SEMA3A: variants seen among roughly 807,000 people sequenced by gnomAD.
SEMA3A encodes the protein semaphorin-3A.
In SEMA3A, 29 loss-of-function variants were observed where a neutral mutation model predicts 97.9. That is an observed-to-expected ratio of 0.30 (90% CI 0.22 to 0.40). The LOEUF is 0.40. Ranked by LOEUF, SEMA3A falls within the 10% of genes least tolerant of loss-of-function variation. The probability of loss-of-function intolerance (pLI) is 1.00; values close to 1 mark genes in which losing one functional copy is unlikely to be tolerated. For synonymous variants in SEMA3A, 321 were observed against 323.7 expected (o/e 0.99, Z 0.09); for missense variants, 763 against 951.3 (o/e 0.80, Z 2.60).
chr7:84,252,785 G>A (rs1042991159), intron 3 of SEMA3A, among the ~76,000 whole-genome samples: 11 of 152,138 alleles, frequency 7.2e-5, no homozygotes, highest in East Asian at 1.9e-4. Context: ...TTTAAAATGC[G>A]AAGTGTAATT....
At chr7:84,473,173 T>TGTGTGTGTGTGTGTGTGTGA (rs891778095) in intron 1 of SEMA3A, among the ~76,000 whole-genome samples, 1 of 151,290 alleles carries the variant, frequency 6.6e-6, no homozygotes, top group African/African-American at 2.4e-5. Context: ...TGTGTGTGTG[T>TGTGTGTGTGTGTGTGTGTGA]GAAACCTACA....
chr7:84,387,500 T>G (rs1376953374), intron 1 of SEMA3A, among the ~76,000 whole-genome samples: 1 of 152,204 alleles, frequency 6.6e-6, no homozygotes, highest in African/African-American at 2.4e-5. Context: ...CAATATTTAA[T>G]TTTGTTTTGG....
chr7:84,393,940 A>G (rs746864324), intron 1 of SEMA3A, among the ~76,000 whole-genome samples: 1 of 152,124 alleles, frequency 6.6e-6, no homozygotes, highest in African/African-American at 2.4e-5. Flanking sequence ...GAAGCTAGAA[A>G]TTGTCATGTT....
At chr7:84,051,524 T>C (rs1470416760) in intron 5 of SEMA3A, among the ~76,000 whole-genome samples, 1 of 152,190 alleles carries the variant, frequency 6.6e-6, no homozygotes, top group Admixed American at 6.5e-5. Flanking sequence ...CTGTTGATGG[T>C]GTATAAGAAT....
Position 84,194,421 on chromosome 7 carries a change from A to AGG in SEMA3A, c.112+52_112+53dup, listed in dbSNP as rs67227861. Reference sequence around the variant, plus strand: ...GGTTGGGAGGGAGTTCAAGGAATTAAGGGGGGGGGCGGTTATTACAAAGCT... The same window carrying AGG: ...GGTTGGGAGGGAGTTCAAGGAATTAAGGGGGGGGGGGCGGTTATTACAAAGCT... On this transcript the variant is annotated intron_variant, in intron 1 of 16. Transcript: ENST00000265362. 7.0e-4 allele frequency: 798 copies of AGG among 1,138,442 alleles called. 5 individuals carry two copies. In the African/African-American group the frequency reaches 0.01, roughly 14 times the overall value. The allele number at this position is 1,138,442 out of a possible 1,614,324, so 70.5% of individuals were successfully genotyped here.
At chr7:84,484,691 A>T (rs1197594961) in intron 1 of SEMA3A, among the ~76,000 whole-genome samples, 1 of 152,164 alleles carries the variant, frequency 6.6e-6, no homozygotes, top group Admixed American at 6.5e-5. Context: ...TTAGCATTAT[A>T]TCCTCATAAA....
At chr7:84,352,657 C>T (rs1562915511) in intron 2 of SEMA3A, among the ~76,000 whole-genome samples, 4 of 151,910 alleles carry the variant, frequency 2.6e-5, no homozygotes, top group Non-Finnish European at 5.9e-5. Flanking sequence ...TGAACATGAG[C>T]TGTGAGGCAT....
intron 1 of SEMA3A, among the ~76,000 whole-genome samples, chr7:84,177,538 TG>T (rs1797607440): frequency 6.6e-6 from 1 of 152,214 alleles, no homozygotes; most frequent in Admixed American, 6.5e-5. Context: ...AATGATAAAT[TG>T]TTTTTTATAG....
rs1799625375 is a variant in SEMA3A at position 84,252,197 on chromosome 7, G to C, written c.-83+55010C>G. On this transcript the variant is annotated intron_variant, in intron 3 of 3. Coordinates refer to the SEMA3A transcript ENST00000424555. The stretch of plus-strand genomic sequence containing the variant: ...TGCAGAGACTTTGGTAAGTGTTCAG[G>C]AGGAGTAAGATCAGTGTCAGACCAC... 1.3e-5 allele frequency among the ~76,000 whole-genome samples: 2 copies of C among 152,152 alleles called. 1 individual carries two copies. Among genetic ancestry groups the C allele is most frequent in the South Asian group, 4.1e-4 (2 of 4,828 alleles).
At chr7:84,265,200 C>G (rs1339712672) in intron 3 of SEMA3A, among the ~76,000 whole-genome samples, 1 of 151,994 alleles carries the variant, frequency 6.6e-6, no homozygotes, top group Non-Finnish European at 1.5e-5. Flanking sequence ...CATTTCATTC[C>G]AAAGCCTGTG....
chr7:84,237,761 T>C (rs1045280704), intron 3 of SEMA3A, among the ~76,000 whole-genome samples: 1 of 152,090 alleles, frequency 6.6e-6, no homozygotes. Context: ...TCCTGCTCTG[T>C]AGTTTATGCC....
chr7:84,477,925 T>C (rs1187623308), intron 1 of SEMA3A, among the ~76,000 whole-genome samples: 1 of 152,214 alleles, frequency 6.6e-6, no homozygotes, highest in East Asian at 1.9e-4. Flanking sequence ...GCCTGGACTT[T>C]CTTTTGCCAA....
At chr7:84,082,879 T>C (rs2115807970) in intron 4 of SEMA3A, among the ~76,000 whole-genome samples, 1 of 152,106 alleles carries the variant, frequency 6.6e-6, no homozygotes, top group South Asian at 2.1e-4. Context: ...CATATTCAAA[T>C]CTTGTCTCCT....
chr7:84,045,457 C>A (rs1792311612), intron 6 of SEMA3A, among the ~76,000 whole-genome samples: 1 of 150,584 alleles, frequency 6.6e-6, no homozygotes, highest in African/African-American at 2.4e-5. Context: ...ATAAAAACAA[C>A]CATGATTAAT....
chr7:84,403,989 C>T (rs1803988272), intron 1 of SEMA3A, among the ~76,000 whole-genome samples: 1 of 152,212 alleles, frequency 6.6e-6, no homozygotes, highest in African/African-American at 2.4e-5. Flanking sequence ...CAGAGCGCCT[C>T]TCCTCCTCCA....
At chr7:84,048,932 T>C (rs960382837) in intron 5 of SEMA3A, among the ~76,000 whole-genome samples, 24 of 152,108 alleles carry the variant, frequency 1.6e-4, no homozygotes, top group African/African-American at 5.1e-4. Context: ...AAGGTGTTTG[T>C]CTCTCTCTTG....
intron 1 of SEMA3A, among the ~76,000 whole-genome samples, chr7:84,398,810 A>AAAAAT (rs1484735260): frequency 1.3e-5 from 2 of 151,918 alleles, no homozygotes; most frequent in African/African-American, 4.8e-5. Flanking sequence ...TGTTTCTTAA[A>AAAAAT]AAAATAAAAT....
chr7:84,185,631 C>G (rs569765205), intron 1 of SEMA3A, among the ~76,000 whole-genome samples: 190 of 135,630 alleles, frequency 1.4e-3, no homozygotes, highest in Non-Finnish European at 2.0e-3. Context: ...GTGGAGGTTA[C>G]AGTGAGCAGA....
intron 1 of SEMA3A, among the ~76,000 whole-genome samples, chr7:84,465,217 T>C (rs967580671): frequency 6.6e-6 from 1 of 152,180 alleles, no homozygotes; most frequent in Non-Finnish European, 1.5e-5. Context: ...TTCTAATTGA[T>C]TCTGGGAGTC....
Sources: gnomAD v4.1 joint callset for allele counts (sites outside exome capture counted in the v4.1 genomes callset) on GRCh38, gnomAD v4.1.1 for gene constraint, MANE v1.5 for transcripts, NCBI Gene and HGNC (gene_info 2026-07-23, HGNC 2026-07-21) for gene names.